Variants in BABAM2 observed in about 807,000 individuals in gnomAD.
BABAM2 encodes the protein BRISC and BRCA1 A complex member 2.
Under a neutral mutation model 54.7 loss-of-function variants are expected in BABAM2, and 31 were observed. The ratio of observed to expected loss-of-function variants is 0.57; its 90% confidence interval spans 0.43 to 0.77. The LOEUF (loss-of-function observed/expected upper bound fraction) is 0.77, where lower values mean the gene tolerates loss of function less well. BABAM2 is among the 30% of genes least tolerant of loss of function. The pLI, the probability that BABAM2 is intolerant of heterozygous loss-of-function variation, is 0.00. For missense variants in BABAM2, 364 were observed against 455.8 expected (o/e 0.80, Z 1.83); for synonymous variants, 167 against 162.9 (o/e 1.03, Z -0.19).
At chr2:28,247,950 A>G (rs1005804576) in intron 10 of BABAM2, among the ~76,000 whole-genome samples, 3 of 152,304 alleles carry the variant, frequency 2.0e-5, no homozygotes, top group Non-Finnish European at 2.9e-5. Flanking sequence ...GACTGTGGCC[A>G]TGATTGTGGC....
At chr2:28,128,020 G>A (rs999979622) in intron 6 of BABAM2, among the ~76,000 whole-genome samples, 4 of 152,134 alleles carry the variant, frequency 2.6e-5, no homozygotes, top group South Asian at 4.2e-4. Context: ...CACCGTGTTA[G>A]CCAGGATGGT....
In BABAM2 at chr2:28,212,641, C is replaced by A. The variant is rs539503396; in HGVS notation, c.681-24561C>A. On this transcript the variant is annotated intron_variant, in intron 7 of 11. Transcript: ENST00000379624. Reference sequence around the variant, plus strand: ...CAGAGTCACTTGATAAGTATATATTCTTTTTATCCTTGAAACTAATCCTTC... The same window carrying A: ...CAGAGTCACTTGATAAGTATATATTATTTTTATCCTTGAAACTAATCCTTC... Among the ~76,000 whole-genome samples, 3 of 152,198 alleles carry A rather than the reference C, an allele frequency of 2.0e-5. No homozygotes were observed. In the South Asian group the frequency reaches 6.2e-4, roughly 32 times the overall value.
chr2:28,338,365 A>G (rs1691652248), intron 11 of BABAM2, 85 bp from the exon 12 acceptor site: 1 of 1,194,540 alleles, frequency 8.4e-7, no homozygotes, highest in Non-Finnish European at 1.3e-6. Context: ...AACTGTTCTG[A>G]GTTAGCTTGA....
intron 6 of BABAM2, among the ~76,000 whole-genome samples, chr2:28,070,293 A>G (rs1352271236): frequency 1.3e-5 from 2 of 152,162 alleles, no homozygotes; most frequent in Non-Finnish European, 2.9e-5. Flanking sequence ...GTGCTATGAA[A>G]ACTATCCCCT....
At chr2:28,162,416 T>G (rs1198191555) in intron 7 of BABAM2, among the ~76,000 whole-genome samples, 1 of 152,166 alleles carries the variant, frequency 6.6e-6, no homozygotes, top group Non-Finnish European at 1.5e-5. Flanking sequence ...TAGCCTCCTT[T>G]TTGTCACCTT....
At chr2:27,946,415 G>T (rs1208859146) in intron 3 of BABAM2, among the ~76,000 whole-genome samples, 2 of 152,104 alleles carry the variant, frequency 1.3e-5, no homozygotes, top group East Asian at 3.8e-4. Context: ...TCTTTTTAAA[G>T]AACTTTGCAT....
At chr2:28,150,456 A>G (rs1671920351) in intron 7 of BABAM2, among the ~76,000 whole-genome samples, 1 of 152,224 alleles carries the variant, frequency 6.6e-6, no homozygotes, top group African/African-American at 2.4e-5. Context: ...CAGAAAAGAG[A>G]GAACTCACTC....
At chr2:28,288,142 A>G (rs1248815303) in intron 10 of BABAM2, among the ~76,000 whole-genome samples, 3 of 152,132 alleles carry the variant, frequency 2.0e-5, no homozygotes, top group African/African-American at 4.8e-5. Flanking sequence ...TGATGAGAGT[A>G]AAACCAGATA....
chr2:28,068,281 C>A lies in BABAM2; in HGVS notation c.570+22482C>A, dbSNP rs190907177. On this transcript the variant is annotated intron_variant, in intron 6 of 11. Coordinates refer to ENST00000379624, the MANE Select transcript of BABAM2 (RefSeq NM_199191.3). ...AATCTTCTTATGCAATATTTACAACCTACATATGTAGCGAGGGCACAAAAT... is the reference window on the plus strand; with the variant it reads ...AATCTTCTTATGCAATATTTACAACATACATATGTAGCGAGGGCACAAAAT... Among the ~76,000 whole-genome samples the A allele has an allele frequency of 2.2e-4, 34 of 152,222 alleles. No individual in the cohort carries two copies. In the East Asian group the frequency reaches 6.4e-3, roughly 29 times the overall value.
At chr2:28,014,455 A>G (rs1364725235) in intron 4 of BABAM2, among the ~76,000 whole-genome samples, 2 of 152,158 alleles carry the variant, frequency 1.3e-5, no homozygotes, top group Admixed American at 6.5e-5. Context: ...TACTTGACAG[A>G]CACAGTTCCT....
intron 7 of BABAM2, among the ~76,000 whole-genome samples, chr2:28,155,390 T>G (rs542633892): frequency 1.3e-5 from 2 of 152,090 alleles, no homozygotes; most frequent in African/African-American, 4.8e-5. Context: ...GAGAAAAGGA[T>G]AGGGAATTTA....
intron 7 of BABAM2, among the ~76,000 whole-genome samples, chr2:28,222,435 C>T (rs72824240): frequency 0.015 from 2,334 of 152,288 alleles, 23 homozygotes; most frequent in Middle Eastern, 0.061. Flanking sequence ...TGTGATTCCA[C>T]GTGAGTCTGA....
intron 4 of BABAM2, among the ~76,000 whole-genome samples, chr2:28,014,817 A>T (rs1674680427): frequency 6.6e-6 from 1 of 152,124 alleles, no homozygotes; most frequent in African/African-American, 2.4e-5. Flanking sequence ...TCATACAAAA[A>T]ATAAACTATC....
At chr2:27,977,020 C>T (rs1017139796) in intron 3 of BABAM2, among the ~76,000 whole-genome samples, 8 of 152,148 alleles carry the variant, frequency 5.3e-5, no homozygotes, top group African/African-American at 1.9e-4. Context: ...TATGCCAACT[C>T]TCAGATGTAG....
intron 7 of BABAM2, among the ~76,000 whole-genome samples, chr2:28,235,328 C>T (rs560015655): frequency 1.8e-4 from 28 of 152,184 alleles, no homozygotes; most frequent in Non-Finnish European, 3.4e-4. Flanking sequence ...AGGCGCATGC[C>T]ACCACGCCCA....
intron 10 of BABAM2, among the ~76,000 whole-genome samples, chr2:28,289,633 A>G (rs1386203002): frequency 1.3e-5 from 2 of 152,204 alleles, no homozygotes; most frequent in Non-Finnish European, 2.9e-5. Context: ...TACAAAAAAA[A>G]TACAAAAATT....
At chr2:28,058,550 A>T (rs1305727468) in intron 6 of BABAM2, among the ~76,000 whole-genome samples, 7 of 149,570 alleles carry the variant, frequency 4.7e-5, no homozygotes, top group East Asian at 1.9e-4. Context: ...GTGTATATAA[A>T]ATATATATAT....
chr2:27,949,033 G>A (rs752173569), intron 3 of BABAM2, among the ~76,000 whole-genome samples: 9 of 152,098 alleles, frequency 5.9e-5, no homozygotes, highest in Non-Finnish European at 8.8e-5. Context: ...AAAACCAAGA[G>A]CTAAGGTCTG....
intron 2 of BABAM2, among the ~76,000 whole-genome samples, chr2:27,923,917 A>AGCT (rs1408923835): frequency 1.3e-5 from 2 of 152,200 alleles, no homozygotes; most frequent in African/African-American, 4.8e-5. Context: ...AGCTTCAGTG[A>AGCT]GCTGTGATTT....
Sources: allele counts gnomAD v4.1 joint callset (sites outside exome capture counted in the v4.1 genomes callset), GRCh38; gene constraint gnomAD v4.1.1; transcripts MANE v1.5; gene names NCBI Gene and HGNC (gene_info 2026-07-23, HGNC 2026-07-21).